The following TMEM74 variants were observed in gnomAD, a reference collection of about 807,000 sequenced individuals.
The protein encoded by TMEM74 is transmembrane protein 74.
In TMEM74, 13 loss-of-function variants were observed where a neutral mutation model predicts 18.1. The observed-to-expected ratio is 0.72, with a 90% CI of 0.47 to 1.14. The LOEUF is 1.14. TMEM74 is among the 50% of genes most tolerant of loss of function. The pLI is 0.00. For synonymous variants in TMEM74, 159 were observed against 146.6 expected (o/e 1.08, Z -0.61); for missense variants, 372 against 375.9 (o/e 0.99, Z 0.09).
chr8:108,665,362 A>C (rs1432410082), intron 1 of TMEM74, among the ~76,000 whole-genome samples: 1 of 152,048 alleles, frequency 6.6e-6, no homozygotes, highest in Non-Finnish European at 1.5e-5. Flanking sequence ...TGTGAGAGCA[A>C]ATGATAATCT....
At chr8:108,670,276 C>T (rs1812991138) in intron 1 of TMEM74, among the ~76,000 whole-genome samples, 2 of 152,076 alleles carry the variant, frequency 1.3e-5, no homozygotes, top group African/African-American at 4.8e-5. Flanking sequence ...AATTCTAGTG[C>T]TGTGTTCAAT....
At chr8:108,658,906 T>C (rs1285362883) in intron 1 of TMEM74, among the ~76,000 whole-genome samples, 3 of 151,970 alleles carry the variant, frequency 2.0e-5, no homozygotes, top group Non-Finnish European at 4.4e-5. Context: ...AATATACCCC[T>C]GATACAAGAA....
At chr8:108,648,883 C>T (rs866222822) in intron 2 of TMEM74, among the ~76,000 whole-genome samples, 6 of 152,130 alleles carry the variant, frequency 3.9e-5, no homozygotes, top group East Asian at 1.9e-4. Context: ...TAAGTTACTA[C>T]GTTTCGGGGT....
intron 1 of TMEM74, among the ~76,000 whole-genome samples, chr8:108,717,227 C>G (rs1276237391): frequency 6.6e-6 from 1 of 151,666 alleles, no homozygotes; most frequent in Non-Finnish European, 1.5e-5. Flanking sequence ...AGGAGTTACT[C>G]AAAAAAATCA....
At chr8:108,636,720 G>A (rs920252431) in intron 2 of TMEM74, among the ~76,000 whole-genome samples, 6 of 151,582 alleles carry the variant, frequency 4.0e-5, no homozygotes, top group African/African-American at 1.5e-4. Context: ...GCCTAGGATC[G>A]ACATTGCCTG....
chr8:108,777,799 G>A (rs1316573456), downstream of TMEM74, among the ~76,000 whole-genome samples: 2 of 152,122 alleles, frequency 1.3e-5, no homozygotes, highest in South Asian at 2.1e-4. Flanking sequence ...CACTTGCCTT[G>A]CAGAGATGCT....
chr8:108,649,574 G>T (rs1812752663), intron 2 of TMEM74, among the ~76,000 whole-genome samples: 1 of 152,118 alleles, frequency 6.6e-6, no homozygotes, highest in South Asian at 2.1e-4. Context: ...TTAGGTCGGT[G>T]CAAAAGTAAT....
chr8:108,777,752 C>T (rs1814249730), downstream of TMEM74, among the ~76,000 whole-genome samples: 1 of 152,114 alleles, frequency 6.6e-6, no homozygotes, highest in Non-Finnish European at 1.5e-5. Flanking sequence ...ATTTGACATT[C>T]TCCAGCTTTA....
chr8:108,617,875 C>T (rs1812401488), intron 2 of TMEM74, among the ~76,000 whole-genome samples: 1 of 152,102 alleles, frequency 6.6e-6, no homozygotes, highest in African/African-American at 2.4e-5. Context: ...ATACCTCAAG[C>T]AGTTTTCCTG....
chr8:108,682,434 CA>C (rs1813125217), intron 1 of TMEM74, among the ~76,000 whole-genome samples: 2 of 152,006 alleles, frequency 1.3e-5, no homozygotes, highest in African/African-American at 4.8e-5. Context: ...CATAGAACAA[CA>C]AAAATATTAA....
At chr8:108,756,688 G>T (rs2130657358) in intron 1 of TMEM74, among the ~76,000 whole-genome samples, 1 of 109,084 alleles carries the variant, frequency 9.2e-6, no homozygotes, top group African/African-American at 4.2e-5. Flanking sequence ...AAGAAAGAAA[G>T]AAAGAAAGAA....
At chr8:108,760,252 A>C (rs916173022) in intron 1 of TMEM74, among the ~76,000 whole-genome samples, 4 of 151,960 alleles carry the variant, frequency 2.6e-5, no homozygotes, top group African/African-American at 7.2e-5. Context: ...ACCATATAAT[A>C]GGTCTGAAGG....
chr8:108,617,164 C>T (rs887517213), intron 2 of TMEM74, among the ~76,000 whole-genome samples: 3 of 151,548 alleles, frequency 2.0e-5, no homozygotes, highest in African/African-American at 2.4e-5. Flanking sequence ...AGTATCATTG[C>T]GAAAAGAATT....
In TMEM74 at chr8:108,784,684, G is replaced by A. The variant is rs1294908170; in HGVS notation, c.415C>T (p.Leu139Phe). ...SAKGHNHPGE[L>F]GWENPNEWSQ... is the part of the protein sequence containing the mutation. Reference sequence around the variant, plus strand: ...CACTCATTTGGATTTTCCCAGCCAAGCTCCCCAGGGTGATTATGCCCTTTT... The same window carrying A: ...CACTCATTTGGATTTTCCCAGCCAAACTCCCCAGGGTGATTATGCCCTTTT... The change falls in exon 2 of 2, where the codon CTT (leucine) becomes TTT (phenylalanine). Residue 139 changes from leucine to phenylalanine, a missense_variant. Physicochemically the swap from Leu to Phe is conservative, Grantham distance 22. Coordinates refer to ENST00000297459, the MANE Select transcript of TMEM74 (RefSeq NM_153015.3). 11 of 1,614,064 alleles carry A rather than the reference G, an allele frequency of 6.8e-6. No individual in the cohort carries two copies. Among genetic ancestry groups the A allele is most frequent in the Non-Finnish European group, 8.5e-6 (10 of 1,180,018 alleles).
intron 2 of TMEM74, among the ~76,000 whole-genome samples, chr8:108,615,723 G>C (rs1812375747): frequency 6.6e-6 from 1 of 151,712 alleles, no homozygotes; most frequent in Non-Finnish European, 1.5e-5. Flanking sequence ...ACCTCAGCAT[G>C]TCCCGTGGGG....
intron 1 of TMEM74, among the ~76,000 whole-genome samples, chr8:108,660,625 T>G (rs1214555186): frequency 6.6e-6 from 1 of 152,184 alleles, no homozygotes; most frequent in Non-Finnish European, 1.5e-5. Context: ...AACGTGATAC[T>G]GTTTAAACCT....
At chr8:108,714,387 G>T (rs1813502909) in intron 1 of TMEM74, among the ~76,000 whole-genome samples, 1 of 152,174 alleles carries the variant, frequency 6.6e-6, no homozygotes, top group South Asian at 2.1e-4. Context: ...TACTAGGATA[G>T]TTAGATGAAA....
intron 1 of TMEM74, among the ~76,000 whole-genome samples, chr8:108,730,824 G>T (rs1238061455): frequency 6.6e-6 from 1 of 151,844 alleles, no homozygotes; most frequent in African/African-American, 2.4e-5. Context: ...GTAGAGACGG[G>T]GTTTCACCAT....
chr8:108,745,936 T>G (rs889788505), intron 1 of TMEM74, among the ~76,000 whole-genome samples: 1 of 152,146 alleles, frequency 6.6e-6, no homozygotes, highest in African/African-American at 2.4e-5. Context: ...TCCCCAGTCA[T>G]GTACCCGCTG....
Sources: gnomAD v4.1 joint callset for allele counts (sites outside exome capture counted in the v4.1 genomes callset) on GRCh38, gnomAD v4.1.1 for gene constraint, MANE v1.5 for transcripts, NCBI Gene and HGNC (gene_info 2026-07-23, HGNC 2026-07-21) for gene names.